PLCL2: variants seen among roughly 807,000 people sequenced by gnomAD.
PLCL2 encodes the protein phospholipase C like 2.
PLCL2 carries 4 observed loss-of-function variants against 79.6 expected under a neutral mutation model. The ratio of observed to expected loss-of-function variants is 0.05; its 90% CI spans 0.02 to 0.11. The LOEUF is 0.11. Among genes scored for constraint, PLCL2 ranks in the 10% least tolerant of loss-of-function variants. PLCL2 has a pLI of 1.00. For synonymous variants in PLCL2, 484 were observed against 457.7 expected, an observed-to-expected ratio of 1.06 and a Z score of -0.73; for missense variants, 895 against 1,291.0, an observed-to-expected ratio of 0.69 and a Z score of 4.70.
chr3:16,903,638 T>C (rs371330276), intron 1 of PLCL2, among the ~76,000 whole-genome samples: 1 of 152,322 alleles, frequency 6.6e-6, no homozygotes, highest in African/African-American at 2.4e-5. Flanking sequence ...TGCCCAGCAG[T>C]GGGTGCTCAG....
At position 17,009,453 on chromosome 3, in the gene PLCL2, C is replaced by T. The variant is rs1559516881; in HGVS notation, c.328-221C>T. Among the ~76,000 whole-genome samples the T allele has an allele frequency of 6.6e-6, 1 of 152,012 alleles. No homozygotes were observed. The highest frequency in any genetic ancestry group is 2.4e-5 in the African/African-American group (1 of 41,390). On this transcript the variant is annotated intron_variant, in intron 1 of 5. Coordinates refer to ENST00000615277, the MANE Select transcript of PLCL2 (RefSeq NM_001144382.2). This position sits in a 1 kb window ranked among gnomAD's most constrained non-coding sequence, Gnocchi z 4.0. Reference sequence around the variant, plus strand: ...TGTTCTTCTTGATAAATATGAATTGCAATTATTCAATAATGATTTCATACC... The same window carrying T: ...TGTTCTTCTTGATAAATATGAATTGTAATTATTCAATAATGATTTCATACC...
Position 17,090,158 on chromosome 3 carries a change from C to G in PLCL2, c.*246C>G. 8.5e-7 allele frequency: 1 copy of G among 1,180,710 alleles called. No individual in the cohort carries two copies. Among genetic ancestry groups the G allele is most frequent in the African/African-American group, 1.6e-5 (1 of 63,616 alleles). The allele number at this position is 1,180,710 out of a possible 1,614,324, so 73.1% of individuals were successfully genotyped here. Reference sequence around the variant, plus strand: ...TGCTATATTTGTATACAAAGACATTCTAACTCAGTTCCAGTATGAAGAAAG... The same window carrying G: ...TGCTATATTTGTATACAAAGACATTGTAACTCAGTTCCAGTATGAAGAAAG... On this transcript the variant is annotated 3_prime_UTR_variant, in exon 6 of 6. Transcript: ENST00000615277.
chr3:17,087,795 T>G (rs1331129087), intron 5 of PLCL2, among the ~76,000 whole-genome samples: 1 of 152,220 alleles, frequency 6.6e-6, no homozygotes, highest in Non-Finnish European at 1.5e-5. Flanking sequence ...GCTGTGAACC[T>G]AAAACTGTCC....
intron 5 of PLCL2, among the ~76,000 whole-genome samples, chr3:17,070,265 G>A (rs1319064340): frequency 1.3e-5 from 2 of 152,198 alleles, no homozygotes; most frequent in African/African-American, 2.4e-5. Flanking sequence ...GCACATTAAA[G>A]TTTGAGAAGC....
chr3:16,963,448 T>C (rs1390949464), intron 1 of PLCL2, among the ~76,000 whole-genome samples: 1 of 152,136 alleles, frequency 6.6e-6, no homozygotes, highest in East Asian at 1.9e-4. Context: ...ATTCATGAAT[T>C]GTTAGCAATT....
chr3:16,988,178 A>G (rs1350046179), intron 1 of PLCL2, among the ~76,000 whole-genome samples: 9 of 152,170 alleles, frequency 5.9e-5, no homozygotes. Context: ...AATTGGTTGA[A>G]TAACTCAGTT....
chr3:16,934,066 A>G (rs1697478903), intron 1 of PLCL2, among the ~76,000 whole-genome samples: 1 of 152,176 alleles, frequency 6.6e-6, no homozygotes, highest in African/African-American at 2.4e-5. Flanking sequence ...GACTGTCTCA[A>G]AAACAAACGA....
At position 16,992,747 on chromosome 3, in the gene PLCL2, G is replaced by A. The variant is rs536405665; in HGVS notation, c.328-16927G>A. ...TGGGCAAGGACTCAGTTCTAGCCAG[G>A]CAGGCTAAGGATTGGATTAAGGATC... On this transcript the variant is annotated intron_variant, in intron 1 of 5. Coordinates refer to ENST00000615277, the MANE Select transcript of PLCL2 (RefSeq NM_001144382.2). Among the ~76,000 whole-genome samples the A allele has an allele frequency of 2.0e-5, 3 of 152,350 alleles. No individual in the cohort carries two copies. In the South Asian group the frequency reaches 6.2e-4, roughly 32 times the overall value.
Position 16,953,617 on chromosome 3 carries a change from A to G in PLCL2, c.328-56057A>G, listed in dbSNP as rs144548491. Among the ~76,000 whole-genome samples the G allele has an allele frequency of 3.3e-5, 5 of 152,280 alleles. No individual in the cohort carries two copies. In the East Asian group the frequency reaches 7.7e-4, roughly 23 times the overall value. ...GAAGTCAAATGGTTGGAATTTAGTC[A>G]TTTCTGACTTCAGTGAACTAATGCT... On this transcript the variant is annotated intron_variant, in intron 1 of 5. Coordinates refer to ENST00000615277, the MANE Select transcript of PLCL2 (RefSeq NM_001144382.2).
Position 17,014,856 on chromosome 3 carries a change from A to AGCT in PLCL2, c.2966_2968dup (p.Leu989dup). On this transcript the variant is annotated inframe_insertion, in exon 3 of 6. Transcript: ENST00000615277. Reference sequence around the variant, plus strand: ...CTCAGCGAGCAGTACCCCACAATGGAGCTGCAGGGAATTGTGCCGGAGGTT... The same window carrying AGCT: ...CTCAGCGAGCAGTACCCCACAATGGAGCTGCTGCAGGGAATTGTGCCGGAGGTT... 6.2e-7 allele frequency: 1 copy of AGCT among 1,614,094 alleles called. No homozygotes were observed. The highest frequency in any genetic ancestry group is 2.2e-5 in the East Asian group (1 of 44,890).
chr3:16,898,275 A>G (rs911843289), intron 1 of PLCL2, among the ~76,000 whole-genome samples: 1 of 152,124 alleles, frequency 6.6e-6, no homozygotes, highest in Non-Finnish European at 1.5e-5. Flanking sequence ...ATGAACTTTA[A>G]TATTCTTTGG....
chr3:17,050,593 G>C (rs781635991), intron 4 of PLCL2, among the ~76,000 whole-genome samples: 1 of 152,134 alleles, frequency 6.6e-6, no homozygotes, highest in African/African-American at 2.4e-5. Flanking sequence ...AACTAAATGA[G>C]ATATCATCTC....
At chr3:17,020,507 A>C (rs550602797) in intron 3 of PLCL2, among the ~76,000 whole-genome samples, 2 of 152,266 alleles carry the variant, frequency 1.3e-5, no homozygotes, top group East Asian at 3.9e-4. Context: ...TTGTCATTGC[A>C]GTTCCATTCT....
intron 4 of PLCL2, among the ~76,000 whole-genome samples, chr3:17,064,584 A>C (rs2064989630): frequency 6.6e-6 from 1 of 152,162 alleles, no homozygotes; most frequent in South Asian, 2.1e-4. Flanking sequence ...GGAGACAGTG[A>C]AAAGTCAAGG....
At chr3:16,956,258 A>G (rs1242326425) in intron 1 of PLCL2, among the ~76,000 whole-genome samples, 2 of 152,156 alleles carry the variant, frequency 1.3e-5, no homozygotes, top group East Asian at 3.8e-4. Context: ...AATTTTGTCA[A>G]AGGCCTTTTC....
chr3:16,943,110 TTATTA>T (rs2063567139), intron 1 of PLCL2, among the ~76,000 whole-genome samples: 1 of 152,210 alleles, frequency 6.6e-6, no homozygotes. Flanking sequence ...CTTTTAAACA[TTATTA>T]TGAGTGCTTT....
chr3:16,970,742 A>G (rs1168741944), intron 1 of PLCL2, among the ~76,000 whole-genome samples: 1 of 144,336 alleles, frequency 6.9e-6, no homozygotes, highest in Non-Finnish European at 1.5e-5. Flanking sequence ...TGACTTTTTA[A>G]TGATTGCCAT....
chr3:16,982,284 C>T (rs1179680602), intron 1 of PLCL2, among the ~76,000 whole-genome samples: 3 of 152,162 alleles, frequency 2.0e-5, no homozygotes, highest in Admixed American at 6.5e-5. Flanking sequence ...TCTTTTTCAT[C>T]GTATCAATTT....
chr3:16,941,386 T>A (rs1002794938), intron 1 of PLCL2, among the ~76,000 whole-genome samples: 8 of 152,084 alleles, frequency 5.3e-5, no homozygotes, highest in African/African-American at 1.9e-4. Context: ...AAAAGGCCAA[T>A]CAGATGATTC....
Sources: gnomAD v4.1 joint callset for allele counts (sites outside exome capture counted in the v4.1 genomes callset) on GRCh38, gnomAD v4.1.1 for gene constraint, Gnocchi (gnomAD v3.1) non-coding constraint, MANE v1.5 for transcripts, NCBI Gene and HGNC (gene_info 2026-07-23, HGNC 2026-07-21) for gene names.